The following ADTRP variants were observed in gnomAD, a reference collection of about 807,000 sequenced individuals.
ADTRP encodes androgen dependent TFPI regulating protein.
A neutral mutation model predicts 27.0 loss-of-function variants in ADTRP; 20 were observed. The ratio of observed to expected loss-of-function variants is 0.74; its 90% CI spans 0.52 to 1.08. ADTRP has a LOEUF of 1.08. ADTRP is among the 50% of genes least tolerant of loss of function. The pLI, the probability that ADTRP is intolerant of heterozygous loss-of-function variation, is 0.00. For synonymous variants in ADTRP, 101 were observed against 105.2 expected, an observed-to-expected ratio of 0.96 and a Z score of 0.25; for missense variants, 251 against 275.0, an observed-to-expected ratio of 0.91 and a Z score of 0.62.
chr6:11,744,858 C>T (rs970143242), intron 3 of ADTRP, among the ~76,000 whole-genome samples: 7 of 152,196 alleles, frequency 4.6e-5, no homozygotes, highest in Non-Finnish European at 1.0e-4. Flanking sequence ...GGCACTATCC[C>T]TTCGTTTCCA....
intron 3 of ADTRP, among the ~76,000 whole-genome samples, chr6:11,761,380 T>C (rs1474508926): frequency 6.6e-6 from 1 of 152,256 alleles, no homozygotes; most frequent in African/African-American, 2.4e-5. Flanking sequence ...TGTTCATTGC[T>C]GCATTTTCAG....
chr6:11,729,700 A>G (rs1434674402), intron 4 of ADTRP, among the ~76,000 whole-genome samples: 1 of 152,154 alleles, frequency 6.6e-6, no homozygotes, highest in African/African-American at 2.4e-5. Context: ...TCAAAATTAG[A>G]ATTGACTTGA....
At chr6:11,746,084 C>T (rs1251950442) in intron 3 of ADTRP, among the ~76,000 whole-genome samples, 1 of 152,188 alleles carries the variant, frequency 6.6e-6, no homozygotes, top group Non-Finnish European at 1.5e-5. Context: ...GCCACCCCGC[C>T]CGTCCATGAA....
At chr6:11,719,230 C>G (rs1761931071) in intron 5 of ADTRP, among the ~76,000 whole-genome samples, 1 of 152,162 alleles carries the variant, frequency 6.6e-6, no homozygotes, top group South Asian at 2.1e-4. Flanking sequence ...ATCAGTATGT[C>G]TGGAGTATGC....
intron 3 of ADTRP, chr6:11,755,242 T>C (rs1478833827): frequency 4.4e-6 from 1 of 229,092 alleles, no homozygotes; most frequent in Non-Finnish European, 7.2e-6. Context: ...TTGACCTTGA[T>C]TGAGAAATTA....
chr6:11,755,698 T>C lies in ADTRP; in HGVS notation c.390+10576A>G, dbSNP rs533802417. On this transcript the variant is annotated intron_variant, in intron 3 of 5. Coordinates refer to ENST00000414691, the MANE Select transcript of ADTRP (RefSeq NM_032744.4). ...AATGACGGAAAAGATTCTGACCTAC[T>C]CTAGGTTAGGAAGTTAGTGGAATGA... 1.2e-4 allele frequency among the ~76,000 whole-genome samples: 18 copies of C among 152,334 alleles called. No homozygotes were observed. In the East Asian group the frequency reaches 3.3e-3, roughly 28 times the overall value.
chr6:11,739,977 C>T (rs566365620), intron 3 of ADTRP, among the ~76,000 whole-genome samples: 1 of 152,326 alleles, frequency 6.6e-6, no homozygotes, highest in Non-Finnish European at 1.5e-5. Flanking sequence ...CAGATGATAA[C>T]ATAAAAAATA....
intron 3 of ADTRP, among the ~76,000 whole-genome samples, chr6:11,742,671 G>A (rs956116090): frequency 3.4e-4 from 51 of 152,180 alleles, no homozygotes; most frequent in African/African-American, 1.2e-3. Context: ...GACCTCAACA[G>A]TGTCCCCATA....
At chr6:11,719,943 T>C (rs1244329689) in intron 5 of ADTRP, among the ~76,000 whole-genome samples, 1 of 152,214 alleles carries the variant, frequency 6.6e-6, no homozygotes, top group Non-Finnish European at 1.5e-5. Context: ...GCAAGTCATC[T>C]GAGGTTCTCC....
chr6:11,742,800 C>A lies in ADTRP; in HGVS notation c.391-7117G>T, dbSNP rs1465960488. Among the ~76,000 whole-genome samples the A allele has an allele frequency of 2.0e-5, 3 of 152,098 alleles. No homozygotes were observed. The South Asian group carries it at 6.2e-4, about 32-fold the overall frequency. On this transcript the variant is annotated intron_variant, in intron 3 of 5. Transcript: ENST00000414691. ...GAGGTAATATTTTATAATTTTGTAG[C>A]CTTATGTGATCTGAGCAGTACAGGA... is the stretch of plus-strand genomic sequence containing the variant.
Position 11,768,362 on chromosome 6 carries a change from C to T in ADTRP, c.175G>A (p.Gly59Arg), listed in dbSNP as rs768956972. The change falls in exon 2 of 6, where the codon GGG becomes AGG. Residue 59 changes from glycine to arginine, a missense_variant. Gly to Arg is a moderately radical substitution (Grantham distance 125). Transcript: ENST00000414691. ...LNLLLQTIFY[G>R]VTCLDDVLKR... Reference sequence around the variant, plus strand: ...AGCACATCATCCAGGCAGGTGACCCCGTAGAAAATGGTCTGCAAGAGCTAA... The same window carrying T: ...AGCACATCATCCAGGCAGGTGACCCTGTAGAAAATGGTCTGCAAGAGCTAA... 32 of 1,614,012 alleles carry T rather than the reference C, an allele frequency of 2.0e-5. No homozygotes were observed. The highest frequency in any genetic ancestry group is 5.5e-5 in the South Asian group (5 of 91,076).
chr6:11,741,708 A>G (rs922785675), intron 3 of ADTRP, among the ~76,000 whole-genome samples: 2 of 122,426 alleles, frequency 1.6e-5, no homozygotes, highest in South Asian at 3.0e-4. Flanking sequence ...CCAGTTAAGG[A>G]TAAGATTTTT....
rs565393550 is a variant in ADTRP at position 11,760,919 on chromosome 6, C to T, written c.390+5355G>A. Among the ~76,000 whole-genome samples, 13 of 152,120 alleles carry T rather than the reference C, an allele frequency of 8.5e-5. No individual in the cohort carries two copies. The South Asian group carries it at 2.7e-3, about 32-fold the overall frequency. ...GGTAGGGAGGGACAAAGAAGGTGTC[C>T]CTGAAGAGGTGACTTTCTATCATAC... On this transcript the variant is annotated intron_variant, in intron 3 of 5. Transcript: ENST00000414691.
chr6:11,720,652 T>C (rs1289751277), intron 5 of ADTRP, among the ~76,000 whole-genome samples: 2 of 152,128 alleles, frequency 1.3e-5, no homozygotes, highest in African/African-American at 2.4e-5. Flanking sequence ...TTTGTATTTT[T>C]AGTAGAGACG....
At chr6:11,723,097 A>G (rs902459493) in intron 5 of ADTRP, among the ~76,000 whole-genome samples, 10 of 152,194 alleles carry the variant, frequency 6.6e-5, no homozygotes, top group African/African-American at 2.4e-4. Context: ...TTTTAGCTCT[A>G]AAGTTAAATG....
intron 3 of ADTRP, 75 bp from the exon 4 acceptor site, chr6:11,735,758 C>G (rs1762529303): frequency 1.0e-6 from 1 of 984,574 alleles, no homozygotes; most frequent in African/African-American, 1.6e-5. Flanking sequence ...TCTCTGTTCC[C>G]CTTCCAGTCT....
intron 5 of ADTRP, among the ~76,000 whole-genome samples, chr6:11,722,868 G>A (rs149892339): frequency 3.4e-4 from 52 of 152,324 alleles, no homozygotes; most frequent in African/African-American, 1.2e-3. Context: ...ATGGAAGGCT[G>A]AGGAGCAGCC....
intron 3 of ADTRP, among the ~76,000 whole-genome samples, chr6:11,751,995 C>T (rs536855182): frequency 1.3e-3 from 202 of 152,292 alleles, no homozygotes; most frequent in African/African-American, 4.5e-3. Context: ...AGGTTTCTGT[C>T]GTGTCACACA....
At chr6:11,746,554 C>A (rs1457543761) in intron 3 of ADTRP, among the ~76,000 whole-genome samples, 1 of 152,162 alleles carries the variant, frequency 6.6e-6, no homozygotes, top group African/African-American at 2.4e-5. Context: ...ATGTCCCCTG[C>A]AGGGCACAAT....
Sources: allele counts gnomAD v4.1 joint callset (sites outside exome capture counted in the v4.1 genomes callset), GRCh38; gene constraint gnomAD v4.1.1; transcripts MANE v1.5; gene names NCBI Gene and HGNC (gene_info 2026-07-23, HGNC 2026-07-21).